The following NTRK2 variants were observed in gnomAD, a reference collection of about 807,000 sequenced individuals.
NTRK2 encodes neurotrophic receptor tyrosine kinase 2.
NTRK2 carries 13 observed loss-of-function variants against 94.5 expected under a neutral mutation model. The ratio of observed to expected loss-of-function variants is 0.14; its 90% confidence interval spans 0.09 to 0.22. The LOEUF is 0.22. Ranked by LOEUF, NTRK2 falls within the 10% of genes least tolerant of loss-of-function variation. NTRK2 has a pLI of 1.00. For missense variants in NTRK2, 639 were observed against 1,071.2 expected (o/e 0.60, Z 5.63); for synonymous variants, 372 against 407.4 (o/e 0.91, Z 1.05).
chr9:84,852,351 T>C (rs1399786319), intron 12 of NTRK2, among the ~76,000 whole-genome samples: 3 of 152,128 alleles, frequency 2.0e-5, no homozygotes, highest in Non-Finnish European at 4.4e-5. Context: ...ACAGGGAAAT[T>C]GTGTGTGTGT....
At position 84,728,190 on chromosome 9, in the gene NTRK2, G is replaced by T. The variant is rs532838914; in HGVS notation, c.1159+231G>T. 5.9e-5 allele frequency among the ~76,000 whole-genome samples: 9 copies of T among 152,272 alleles called. No individual in the cohort carries two copies. In the South Asian group the frequency reaches 1.9e-3, roughly 32 times the overall value. ...ATAGGAGATGTGCCTGTTATGATAA[G>T]TGTGGAGTGAAAGAGGACAACTGCA... On this transcript the variant is annotated intron_variant, in intron 9 of 18. Transcript: ENST00000277120.
intron 12 of NTRK2, among the ~76,000 whole-genome samples, chr9:84,834,714 G>T (rs549128356): frequency 6.6e-6 from 1 of 152,180 alleles, no homozygotes; most frequent in South Asian, 2.1e-4. Flanking sequence ...CAGGCAACAG[G>T]AAAGGCATCT....
At chr9:84,940,575 A>G (rs956910296) in intron 15 of NTRK2, among the ~76,000 whole-genome samples, 22 of 152,206 alleles carry the variant, frequency 1.4e-4, no homozygotes, top group Non-Finnish European at 7.3e-5. Flanking sequence ...TCTTCATGCC[A>G]GGACACCTAC....
intron 12 of NTRK2, among the ~76,000 whole-genome samples, chr9:84,824,829 T>G (rs1029167989): frequency 5.9e-5 from 9 of 152,090 alleles, no homozygotes; most frequent in Admixed American, 5.2e-4. Flanking sequence ...TTTGGAGAGC[T>G]TAAAGCTATT....
chr9:84,920,068 C>T (rs185234484), intron 14 of NTRK2, among the ~76,000 whole-genome samples: 160 of 152,292 alleles, frequency 1.1e-3, no homozygotes, highest in African/African-American at 3.5e-3. Flanking sequence ...GCCTCTAGGA[C>T]GCTTTCCTCT....
At chr9:84,668,671 C>T (rs535394618), upstream of NTRK2, 1 of 152,404 alleles carries the variant, frequency 6.6e-6, no homozygotes, top group Admixed American at 6.5e-5. Context: ...CTAGTGAGAC[C>T]CCGAGGCTCT....
chr9:85,007,346 A>G (rs1831083058), intron 17 of NTRK2, among the ~76,000 whole-genome samples: 2 of 152,178 alleles, frequency 1.3e-5, no homozygotes, highest in Non-Finnish European at 2.9e-5. Context: ...AATGTAGGGG[A>G]CCCTGCAAGG....
intron 12 of NTRK2, among the ~76,000 whole-genome samples, chr9:84,803,877 A>T (rs2070790522): frequency 6.6e-6 from 1 of 152,040 alleles, no homozygotes; most frequent in Non-Finnish European, 1.5e-5. Context: ...TGGAGATGGG[A>T]TTTATCAGGT....
At chr9:84,816,612 C>G (rs1351428609) in intron 12 of NTRK2, among the ~76,000 whole-genome samples, 1 of 151,770 alleles carries the variant, frequency 6.6e-6, no homozygotes, top group Non-Finnish European at 1.5e-5. Context: ...AACCCTGTCT[C>G]TACTAAAAAT....
chr9:84,935,988 A>G (rs2132738883), intron 15 of NTRK2, among the ~76,000 whole-genome samples: 1 of 152,288 alleles, frequency 6.6e-6, no homozygotes, highest in Non-Finnish European at 1.5e-5. Context: ...TATTATAGAC[A>G]AGGAATCTTA....
chr9:84,856,152 T>G (rs190036435), intron 12 of NTRK2, among the ~76,000 whole-genome samples: 1 of 152,286 alleles, frequency 6.6e-6, no homozygotes, highest in Admixed American at 6.5e-5. Flanking sequence ...CCAGTGGAAA[T>G]ACCTCACATT....
Position 84,772,147 on chromosome 9 carries a change from A to G in NTRK2, c.1396+20062A>G, listed in dbSNP as rs531359451. ...AGGTTAATAAGATACTGCCCAGCAA[A>G]TATTTGGTGTTCCATAAAGTTTCAT... is the stretch of plus-strand genomic sequence containing the variant. On this transcript the variant is annotated intron_variant, in intron 12 of 18. Transcript: ENST00000277120. Among the ~76,000 whole-genome samples the G allele has an allele frequency of 5.3e-5, 8 of 152,300 alleles. No homozygotes were observed. In the South Asian group the frequency reaches 1.7e-3, roughly 32 times the overall value.
At chr9:84,782,037 AACACAC>A (rs58851217) in intron 12 of NTRK2, among the ~76,000 whole-genome samples, 2,367 of 149,628 alleles carry the variant, frequency 0.016, 36 homozygotes, top group African/African-American at 0.018. Context: ...CCTCCAAGAA[AACACAC>A]ACACACACAC....
chr9:84,740,335 C>T (rs1195182935), intron 9 of NTRK2, among the ~76,000 whole-genome samples: 1 of 152,188 alleles, frequency 6.6e-6, no homozygotes, highest in Non-Finnish European at 1.5e-5. Flanking sequence ...GTTATAACAG[C>T]TATAAGCAAC....
chr9:84,750,973 C>T (rs1472483763), intron 11 of NTRK2, among the ~76,000 whole-genome samples: 1 of 152,112 alleles, frequency 6.6e-6, no homozygotes, highest in Non-Finnish European at 1.5e-5. Flanking sequence ...CTACATCTAC[C>T]CTCTTGACTT....
In NTRK2 at chr9:84,752,100, G is replaced by A. The variant is rs1347271891; in HGVS notation, c.1396+15G>A. ...TGGCATGAAAGGTAAGAAGGGTTGT[G>A]TTTATTTAGCTTCTTATGTGGATCA... On this transcript the variant is annotated intron_variant, in intron 12 of 18. Coordinates refer to ENST00000277120, the MANE Select transcript of NTRK2 (RefSeq NM_006180.6). 1.0e-5 allele frequency: 16 copies of A among 1,596,760 alleles called. No homozygotes were observed. The highest frequency in any genetic ancestry group is 1.4e-5 in the Non-Finnish European group (16 of 1,164,454).
At chr9:84,891,558 T>C (rs1398673838) in intron 14 of NTRK2, among the ~76,000 whole-genome samples, 1 of 152,204 alleles carries the variant, frequency 6.6e-6, no homozygotes, top group East Asian at 1.9e-4. Context: ...CACACTACTG[T>C]GGACATGCCA....
chr9:84,987,509 T>A (rs1470289372), intron 17 of NTRK2, among the ~76,000 whole-genome samples: 7 of 152,172 alleles, frequency 4.6e-5, no homozygotes. Context: ...ATTTCCCTCC[T>A]AGCTTTACGA....
chr9:84,999,262 A>G (rs1156473327), intron 17 of NTRK2, among the ~76,000 whole-genome samples: 1 of 152,198 alleles, frequency 6.6e-6, no homozygotes, highest in Non-Finnish European at 1.5e-5. Context: ...AGCTTGTGAT[A>G]ACATGCATAA....
Sources: allele counts gnomAD v4.1 joint callset (sites outside exome capture counted in the v4.1 genomes callset), GRCh38; gene constraint gnomAD v4.1.1; transcripts MANE v1.5; gene names NCBI Gene and HGNC (gene_info 2026-07-23, HGNC 2026-07-21).